Variants in PRKACA observed in about 807,000 individuals in gnomAD.
PRKACA encodes protein kinase cAMP-activated catalytic subunit alpha.
A neutral mutation model predicts 45.8 loss-of-function variants in PRKACA; 9 were observed. That is an observed-to-expected ratio of 0.20 (90% CI 0.12 to 0.34). The LOEUF (loss-of-function observed/expected upper bound fraction) is 0.34, where lower values mean the gene tolerates loss of function less well. Ranked by LOEUF, PRKACA falls within the 10% of genes least tolerant of loss-of-function variation. The probability of loss-of-function intolerance (pLI) is 1.00; values close to 1 mark genes in which losing one functional copy is unlikely to be tolerated. For synonymous variants in PRKACA, 160 were observed against 178.6 expected (o/e 0.90, Z 0.83); for missense variants, 238 against 458.6 (o/e 0.52, Z 4.39).
intron 3 of PRKACA, among the ~76,000 whole-genome samples, chr19:14,105,864 T>C (rs1008685690): frequency 1.3e-5 from 2 of 152,200 alleles, no homozygotes; most frequent in Non-Finnish European, 1.5e-5. Context: ...ATCACAAAAA[T>C]ATTTACGGGA....
At chr19:14,107,692 C>A (rs1362602607) in intron 1 of PRKACA, 6 of 1,259,002 alleles carry the variant, frequency 4.8e-6, no homozygotes, top group Admixed American at 3.9e-5. Context: ...AGCCCACCCC[C>A]ACTCGCCCCA....
In PRKACA at chr19:14,097,926, T is replaced by G; in HGVS notation, c.420-36A>C. The G allele has an allele frequency of 6.2e-7, 1 of 1,612,088 alleles. No homozygotes were observed. The highest frequency in any genetic ancestry group is 8.5e-7 in the Non-Finnish European group (1 of 1,178,678). ...CAAATGGGGAGGTGAACGTCAGTGGTCATGCCCCAAAATGGTCCAGCAGGT... is the reference window on the plus strand; with the variant it reads ...CAAATGGGGAGGTGAACGTCAGTGGGCATGCCCCAAAATGGTCCAGCAGGT... On this transcript the variant is annotated intron_variant, in intron 5 of 9. Transcript: ENST00000308677. The surrounding 1 kb of genome is among the most constrained non-coding windows in gnomAD (Gnocchi z 5.4).
At chr19:14,105,524 A>C (rs888933400) in intron 3 of PRKACA, among the ~76,000 whole-genome samples, 1 of 151,618 alleles carries the variant, frequency 6.6e-6, no homozygotes, top group Admixed American at 6.6e-5. Context: ...AAAAAAAAAA[A>C]CATAAAAAAA....
chr19:14,116,724 C>T (rs1967114145), intron 1 of PRKACA, among the ~76,000 whole-genome samples: 1 of 152,090 alleles, frequency 6.6e-6, no homozygotes, highest in South Asian at 2.1e-4. Context: ...CCAGCTCAAA[C>T]TTGGCTTTGG....
intron 1 of PRKACA, chr19:14,114,079 C>T (rs1967047929): frequency 1.3e-6 from 2 of 1,571,368 alleles, no homozygotes; most frequent in Non-Finnish European, 8.7e-7. Flanking sequence ...CCCTCCCTGA[C>T]TTAAGGGGCA....
chr19:14,117,449 G>A (rs1967132830), intron 1 of PRKACA, 53 bp downstream of exon 1: 2 of 1,256,490 alleles, frequency 1.6e-6, no homozygotes, highest in Non-Finnish European at 1.0e-6. Flanking sequence ...TGATGGACAA[G>A]GCCAGGGCTG....
chr19:14,092,919 G>A lies in PRKACA; in HGVS notation c.*193C>T, dbSNP rs1213853531. On this transcript the variant is annotated 3_prime_UTR_variant, in exon 10 of 10. Transcript: ENST00000308677. ...GGGCAGGAGGGTGAAGGGGATGAGG[G>A]GGAGCAGCTGGTGTTTCTGTCCCTC... 3.1e-6 allele frequency: 2 copies of A among 651,504 alleles called. No individual in the cohort carries two copies. The highest frequency in any genetic ancestry group is 1.8e-5 in the African/African-American group (1 of 54,530). 40.4% of individuals were successfully genotyped at this position (651,504 alleles called of 1,614,324 possible).
At chr19:14,112,007 C>T (rs1966979274) in intron 1 of PRKACA, among the ~76,000 whole-genome samples, 1 of 152,190 alleles carries the variant, frequency 6.6e-6, no homozygotes, top group African/African-American at 2.4e-5. Context: ...TCCGCTGGTG[C>T]CCCACAGAGT....
intron 1 of PRKACA, among the ~76,000 whole-genome samples, chr19:14,116,669 C>T (rs562220086): frequency 1.3e-5 from 2 of 152,198 alleles, no homozygotes; most frequent in East Asian, 3.9e-4. Context: ...GCCACCACCC[C>T]CTTACCCCAA....
chr19:14,099,086 G>A lies in PRKACA; in HGVS notation c.420-1196C>T, dbSNP rs979489982. Among the ~76,000 whole-genome samples, 7 of 152,056 alleles carry A rather than the reference G, an allele frequency of 4.6e-5. No homozygotes were observed. In the East Asian group the frequency reaches 1.2e-3, roughly 25 times the overall value. On this transcript the variant is annotated intron_variant, in intron 5 of 9. Coordinates refer to ENST00000308677, the MANE Select transcript of PRKACA (RefSeq NM_002730.4). Reference sequence around the variant, plus strand: ...GGGGGCGGATCACCTGAGGTCAGGAGTTCGAGACCAGCCTGGCCAACATGG... The same window carrying A: ...GGGGGCGGATCACCTGAGGTCAGGAATTCGAGACCAGCCTGGCCAACATGG...
intron 5 of PRKACA, chr19:14,098,262 G>A (rs1036329356): frequency 1.7e-5 from 3 of 172,294 alleles, no homozygotes; most frequent in African/African-American, 4.7e-5. Context: ...ACAAAGGCAC[G>A]GTGTTTGAAG....
At chr19:14,095,118 T>G (rs989259369) in intron 8 of PRKACA, among the ~76,000 whole-genome samples, 2 of 152,148 alleles carry the variant, frequency 1.3e-5, no homozygotes, top group Admixed American at 6.6e-5. Context: ...CTGTGGGATC[T>G]TCTGTGTTTT....
intron 3 of PRKACA, among the ~76,000 whole-genome samples, chr19:14,106,492 A>G (rs1001046905): frequency 6.6e-6 from 1 of 152,090 alleles, no homozygotes; most frequent in Non-Finnish European, 1.5e-5. Flanking sequence ...CATCTCTACT[A>G]AAAATACAAA....
At chr19:14,109,290 G>A (rs1049845854) in intron 1 of PRKACA, among the ~76,000 whole-genome samples, 7 of 151,170 alleles carry the variant, frequency 4.6e-5, no homozygotes, top group African/African-American at 7.3e-5. Flanking sequence ...CAAGACCAGC[G>A]TGGTCAACAT....
At chr19:14,100,104 A>G (rs984314634) in intron 5 of PRKACA, among the ~76,000 whole-genome samples, 4 of 151,736 alleles carry the variant, frequency 2.6e-5, no homozygotes, top group Non-Finnish European at 5.9e-5. Context: ...CGGCCTCCCA[A>G]AGTTCTAGGA....
At chr19:14,112,854 G>C (rs1967008275) in intron 1 of PRKACA, among the ~76,000 whole-genome samples, 1 of 152,196 alleles carries the variant, frequency 6.6e-6, no homozygotes, top group Non-Finnish European at 1.5e-5. Context: ...ACTGGGCAGA[G>C]GGGAAAGAGT....
rs747090455 is a variant in PRKACA at position 14,093,827 on chromosome 19, TG to T, written c.766-36del. ...GGGGTACAAGGACAGGGTGGGAAGC[TG>T]GTCTGGAACTTGGGAAGCCCATGAT... On this transcript the variant is annotated intron_variant, in intron 8 of 9. Transcript: ENST00000308677. 5.0e-6 allele frequency: 8 copies of T among 1,584,884 alleles called. No individual in the cohort carries two copies. In the African/African-American group the frequency reaches 1.1e-4, roughly 22 times the overall value.
intron 1 of PRKACA, among the ~76,000 whole-genome samples, chr19:14,109,999 T>TATATATACATACACACACACACACACAC: frequency 1.8e-5 from 1 of 55,476 alleles, no homozygotes; most frequent in African/African-American, 1.0e-4. Context: ...TATATATATA[T>TATATATACATACACACACACACACACAC]ACACACACAC....
At chr19:14,098,053 GGTCC>G in intron 5 of PRKACA, 163 bp from the exon 6 acceptor site, 2 of 815,040 alleles carry the variant, frequency 2.5e-6, no homozygotes, top group Non-Finnish European at 3.8e-6. Flanking sequence ...ACAGCCTGTG[GGTCC>G]ATCCACAGGA....
Sources: allele counts gnomAD v4.1 joint callset (sites outside exome capture counted in the v4.1 genomes callset), GRCh38; gene constraint gnomAD v4.1.1; non-coding constraint Gnocchi (gnomAD v3.1); transcripts MANE v1.5; gene names NCBI Gene and HGNC (gene_info 2026-07-23, HGNC 2026-07-21).